The following DCC variants were observed in gnomAD, a reference collection of about 807,000 sequenced individuals.
DCC encodes the protein netrin receptor DCC.
In DCC, 58 loss-of-function variants were observed where a neutral mutation model predicts 172.5. That is an observed-to-expected ratio of 0.34 (90% CI 0.27 to 0.42). DCC has a LOEUF of 0.42. Among genes scored for constraint, DCC ranks in the 10% least tolerant of loss-of-function variants. The pLI, the probability that DCC is intolerant of heterozygous loss-of-function variation, is 1.00. For missense variants in DCC, 1,740 were observed against 1,791.0 expected (o/e 0.97, Z 0.51); for synonymous variants, 709 against 644.5 (o/e 1.10, Z -1.52).
At chr18:53,380,317 CATT>C (rs1013497628) in intron 15 of DCC, among the ~76,000 whole-genome samples, 14 of 152,174 alleles carry the variant, frequency 9.2e-5, no homozygotes, top group African/African-American at 1.7e-4. Flanking sequence ...AGAAAACCCT[CATT>C]CTCTCTTGCT....
At chr18:52,571,331 T>C (rs1460141692) in intron 1 of DCC, among the ~76,000 whole-genome samples, 1 of 152,066 alleles carries the variant, frequency 6.6e-6, no homozygotes, top group Non-Finnish European at 1.5e-5. Flanking sequence ...TCACCCTATA[T>C]ATATTACGGG....
chr18:52,729,608 G>T (rs549706193), intron 1 of DCC, among the ~76,000 whole-genome samples: 199 of 152,174 alleles, frequency 1.3e-3, no homozygotes, highest in African/African-American at 4.1e-3. Flanking sequence ...CTCTTTGCTG[G>T]GTTATATATT....
chr18:52,599,077 G>T (rs545495840), intron 1 of DCC, among the ~76,000 whole-genome samples: 24 of 152,308 alleles, frequency 1.6e-4, no homozygotes, highest in African/African-American at 5.8e-4. Flanking sequence ...TTTTGCAGAG[G>T]ATGTGAACAG....
At chr18:52,658,614 A>C (rs1447351985) in intron 1 of DCC, among the ~76,000 whole-genome samples, 2 of 152,150 alleles carry the variant, frequency 1.3e-5, no homozygotes, top group African/African-American at 4.8e-5. Flanking sequence ...AAATATGATG[A>C]GATTAAAAGG....
At chr18:52,835,999 G>A (rs1357255379) in intron 2 of DCC, among the ~76,000 whole-genome samples, 1 of 152,198 alleles carries the variant, frequency 6.6e-6, no homozygotes, top group Non-Finnish European at 1.5e-5. Context: ...GAGGCCTCAG[G>A]AAACTTACAA....
chr18:52,511,132 T>C (rs747748842), intron 1 of DCC, among the ~76,000 whole-genome samples: 1 of 151,698 alleles, frequency 6.6e-6, no homozygotes, highest in Non-Finnish European at 1.5e-5. Flanking sequence ...TATGACAAAA[T>C]TAGCTGGGCA....
intron 19 of DCC, among the ~76,000 whole-genome samples, chr18:53,406,393 A>T (rs1358077163): frequency 7.7e-6 from 1 of 130,642 alleles, no homozygotes; most frequent in Non-Finnish European, 1.7e-5. Flanking sequence ...AGAGTTAGGG[A>T]TTCTGAGGTT....
chr18:53,105,128 T>A (rs562751781), intron 7 of DCC, among the ~76,000 whole-genome samples: 4 of 152,174 alleles, frequency 2.6e-5, no homozygotes, highest in Middle Eastern at 3.4e-3. Flanking sequence ...TTCTAGATCT[T>A]GGAAAAACAG....
intron 5 of DCC, among the ~76,000 whole-genome samples, chr18:53,018,278 C>T (rs993353384): frequency 4.6e-5 from 7 of 152,144 alleles, no homozygotes; most frequent in Non-Finnish European, 8.8e-5. Context: ...TAAATACTGA[C>T]ATTATAGAGT....
intron 1 of DCC, among the ~76,000 whole-genome samples, chr18:52,627,762 C>A (rs1331076236): frequency 6.6e-6 from 1 of 152,214 alleles, no homozygotes; most frequent in Non-Finnish European, 1.5e-5. Flanking sequence ...GGTCTTCAAA[C>A]AGATTTCTAC....
At chr18:53,496,966 A>G (rs1013357921) in intron 26 of DCC, among the ~76,000 whole-genome samples, 1 of 152,240 alleles carries the variant, frequency 6.6e-6, no homozygotes, top group African/African-American at 2.4e-5. Flanking sequence ...CATCATAAAC[A>G]TATTGTCCCT....
chr18:53,365,425 A>G (rs1281368969), intron 15 of DCC, among the ~76,000 whole-genome samples: 1 of 146,928 alleles, frequency 6.8e-6, no homozygotes, highest in Non-Finnish European at 1.5e-5. Flanking sequence ...AAGTAAAAGC[A>G]TTTTATGATT....
intron 2 of DCC, among the ~76,000 whole-genome samples, chr18:52,871,713 C>G (rs1481883694): frequency 2.0e-5 from 3 of 152,084 alleles, no homozygotes; most frequent in Non-Finnish European, 4.4e-5. Context: ...CCTTGACCTC[C>G]CAAAGTGGTG....
chr18:52,497,099 TA>T (rs1251293032), intron 1 of DCC, among the ~76,000 whole-genome samples: 6 of 147,550 alleles, frequency 4.1e-5, no homozygotes, highest in East Asian at 2.0e-4. Context: ...TACAGAAAAT[TA>T]AAAAAAAATA....
intron 2 of DCC, among the ~76,000 whole-genome samples, chr18:52,861,022 A>G (rs1294142298): frequency 1.3e-5 from 2 of 151,880 alleles, no homozygotes; most frequent in Non-Finnish European, 2.9e-5. Context: ...AAAAAAAAAA[A>G]AAAAAAAAAT....
chr18:52,613,831 G>T (rs546387417), intron 1 of DCC, among the ~76,000 whole-genome samples: 2 of 152,144 alleles, frequency 1.3e-5, no homozygotes, highest in Admixed American at 6.5e-5. Flanking sequence ...ACGGACACAC[G>T]TTGGGTCCTA....
At chr18:52,891,391 A>G (rs532473780) in intron 2 of DCC, among the ~76,000 whole-genome samples, 53 of 152,260 alleles carry the variant, frequency 3.5e-4, no homozygotes, top group Non-Finnish European at 6.9e-4. Context: ...GACATAAATT[A>G]TGTCATGAAT....
chr18:53,106,602 C>T (rs751809415), intron 7 of DCC, among the ~76,000 whole-genome samples: 17 of 151,862 alleles, frequency 1.1e-4, no homozygotes, highest in Non-Finnish European at 1.9e-4. Flanking sequence ...ATTTTAAGTC[C>T]TCATTTTGTT....
chr18:52,739,462 C>A (rs1253356611), intron 1 of DCC, among the ~76,000 whole-genome samples: 1 of 151,944 alleles, frequency 6.6e-6, no homozygotes, highest in Non-Finnish European at 1.5e-5. Context: ...TTGGAGTTTG[C>A]AACATAATAA....
Sources: allele counts gnomAD v4.1 joint callset (sites outside exome capture counted in the v4.1 genomes callset), GRCh38; gene constraint gnomAD v4.1.1; transcripts MANE v1.5; gene names NCBI Gene and HGNC (gene_info 2026-07-23, HGNC 2026-07-21).